APBB2: variants seen among roughly 807,000 people sequenced by gnomAD.
APBB2 encodes the protein amyloid beta precursor protein binding family B member 2, also known as Fe65-like 1.
In APBB2, 38 loss-of-function variants were observed where a neutral mutation model predicts 82.5. The observed-to-expected ratio is 0.46, with a 90% CI of 0.36 to 0.60. APBB2 has a LOEUF of 0.60. Among genes scored for constraint, APBB2 ranks in the 20% least tolerant of loss-of-function variants. The pLI is 0.00. For synonymous variants in APBB2, 341 were observed against 368.2 expected (o/e 0.93, Z 0.85); for missense variants, 772 against 972.3 (o/e 0.79, Z 2.74).
At chr4:41,184,308 C>T (rs888358449) in intron 1 of APBB2, among the ~76,000 whole-genome samples, 10 of 152,144 alleles carry the variant, frequency 6.6e-5, no homozygotes, top group Non-Finnish European at 1.5e-4. Flanking sequence ...TTAAGCCACC[C>T]AGTTTATAGT....
intron 11 of APBB2, chr4:40,892,490 G>A (rs893507179): frequency 3.9e-5 from 6 of 152,222 alleles, no homozygotes; most frequent in South Asian, 2.1e-4. Flanking sequence ...GAGAAAATGT[G>A]AGTGGAGTCC....
chr4:40,995,068 G>A (rs994435593), intron 6 of APBB2, among the ~76,000 whole-genome samples: 1 of 151,938 alleles, frequency 6.6e-6, no homozygotes, highest in African/African-American at 2.4e-5. Flanking sequence ...GAAGGACAGC[G>A]CGCCTCAGAC....
chr4:40,942,082 C>T (rs73244021), intron 7 of APBB2, among the ~76,000 whole-genome samples: 4,203 of 152,306 alleles, frequency 0.028, 87 homozygotes, highest in Middle Eastern at 0.048. Context: ...CCCAGTTCTC[C>T]TATTCCTCTT....
At chr4:41,202,834 G>A (rs1285020448) in intron 1 of APBB2, among the ~76,000 whole-genome samples, 2 of 152,210 alleles carry the variant, frequency 1.3e-5, no homozygotes, top group South Asian at 2.1e-4. Context: ...TGACAAGACA[G>A]CACTGTATTG....
intron 6 of APBB2, among the ~76,000 whole-genome samples, chr4:40,987,643 G>A (rs1298266786): frequency 2.0e-5 from 3 of 152,146 alleles, no homozygotes; most frequent in East Asian, 1.9e-4. Context: ...GAACTAGGAC[G>A]TGAGAATTCT....
intron 2 of APBB2, among the ~76,000 whole-genome samples, chr4:41,124,364 G>A (rs1012217717): frequency 2.0e-5 from 3 of 152,024 alleles, no homozygotes; most frequent in East Asian, 1.9e-4. Context: ...GACTGTAGGC[G>A]CCCACCACCA....
At chr4:40,853,996 C>G (rs1378187359) in intron 12 of APBB2, among the ~76,000 whole-genome samples, 4 of 152,214 alleles carry the variant, frequency 2.6e-5, no homozygotes, top group African/African-American at 9.7e-5. Flanking sequence ...CCTCATCTGT[C>G]TCAGTCCTTC....
intron 1 of APBB2, among the ~76,000 whole-genome samples, chr4:41,210,145 C>T (rs928640214): frequency 2.0e-5 from 3 of 152,186 alleles, no homozygotes; most frequent in Non-Finnish European, 4.4e-5. Flanking sequence ...CGCTCACCTC[C>T]TGCTCTATGG....
intron 7 of APBB2, among the ~76,000 whole-genome samples, chr4:40,940,622 G>GA (rs1003776839): frequency 3.3e-5 from 5 of 152,158 alleles, no homozygotes; most frequent in African/African-American, 1.2e-4. Flanking sequence ...TCCTGGGGGG[G>GA]TTAGGCTCTC....
intron 1 of APBB2, among the ~76,000 whole-genome samples, chr4:41,207,377 A>G (rs1160277207): frequency 1.3e-5 from 2 of 152,164 alleles, no homozygotes; most frequent in Non-Finnish European, 2.9e-5. Context: ...GATACTGCAG[A>G]GGTCTGGGCC....
chr4:40,879,522 A>T (rs1189729696), intron 12 of APBB2, among the ~76,000 whole-genome samples: 3 of 152,192 alleles, frequency 2.0e-5, no homozygotes, highest in African/African-American at 7.2e-5. Flanking sequence ...GGCAGCATCA[A>T]ATAGCTCTAG....
At chr4:41,138,313 T>A (rs1405572736) in intron 2 of APBB2, among the ~76,000 whole-genome samples, 1 of 152,204 alleles carries the variant, frequency 6.6e-6, no homozygotes, top group Non-Finnish European at 1.5e-5. Flanking sequence ...ATTAAAAACT[T>A]CTGAGCACCA....
At chr4:41,077,190 T>G (rs75866470) in intron 3 of APBB2, among the ~76,000 whole-genome samples, 8 of 149,780 alleles carry the variant, frequency 5.3e-5, no homozygotes, top group African/African-American at 2.0e-4. Context: ...TTTTTTTTTT[T>G]GGAAGAGATA....
At chr4:41,134,351 G>A (rs1057119919) in intron 2 of APBB2, among the ~76,000 whole-genome samples, 2 of 151,988 alleles carry the variant, frequency 1.3e-5, no homozygotes, top group Non-Finnish European at 2.9e-5. Context: ...AGGCCAAGGC[G>A]GGCTGATCAC....
chr4:40,930,484 C>T (rs1176513803), intron 10 of APBB2, among the ~76,000 whole-genome samples: 1 of 146,546 alleles, frequency 6.8e-6, no homozygotes, highest in South Asian at 2.1e-4. Context: ...TGCGCGTATG[C>T]GTGTGTATGT....
rs1744986383 is a variant in APBB2 at position 40,813,991 on chromosome 4, A to G, written c.*2101T>C. On this transcript the variant is annotated 3_prime_UTR_variant, in exon 18 of 18. Coordinates refer to ENST00000508593, the MANE Select transcript of APBB2 (RefSeq NM_004307.2). ...GTTTCTAAAGTAGCATAGTTTTGTC[A>G]TAACATTGGGGTGCTAAGACAATTC... The G allele has an allele frequency of 6.6e-6, 1 of 152,224 alleles. No individual in the cohort carries two copies. The highest frequency in any genetic ancestry group is 1.5e-5 in the Non-Finnish European group (1 of 68,046). 9.4% of individuals were successfully genotyped at this position (152,224 alleles called of 1,614,324 possible).
At chr4:41,063,974 T>TG (rs1730752212) in intron 4 of APBB2, among the ~76,000 whole-genome samples, 1 of 145,046 alleles carries the variant, frequency 6.9e-6, no homozygotes, top group Non-Finnish European at 1.5e-5. Flanking sequence ...TTTTTTTTTT[T>TG]GAGACAGAAT....
intron 2 of APBB2, among the ~76,000 whole-genome samples, chr4:41,114,681 G>C (rs1750356671): frequency 6.6e-6 from 1 of 152,036 alleles, no homozygotes; most frequent in Non-Finnish European, 1.5e-5. Context: ...ACCAATAATA[G>C]ACGAACAGAG....
chr4:41,198,876 A>G (rs954905330), intron 1 of APBB2, among the ~76,000 whole-genome samples: 2 of 152,104 alleles, frequency 1.3e-5, no homozygotes, highest in African/African-American at 4.8e-5. Context: ...CCATCTTCGC[A>G]TGTCTTCCTT....
Sources: gnomAD v4.1 joint callset for allele counts (sites outside exome capture counted in the v4.1 genomes callset) on GRCh38, gnomAD v4.1.1 for gene constraint, MANE v1.5 for transcripts, NCBI Gene and HGNC (gene_info 2026-07-23, HGNC 2026-07-21) for gene names.